Variants in HK1 observed in about 807,000 individuals in gnomAD.
The protein encoded by HK1 is hexokinase-1.
In HK1, 28 loss-of-function variants were observed where a neutral mutation model predicts 91.6. The ratio of observed to expected loss-of-function variants is 0.31; its 90% CI spans 0.23 to 0.42. The LOEUF (loss-of-function observed/expected upper bound fraction) is 0.42, where lower values mean the gene tolerates loss of function less well. Among genes scored for constraint, HK1 ranks in the 10% least tolerant of loss-of-function variants. The pLI is 1.00. For missense variants in HK1, 770 were observed against 1,219.8 expected (o/e 0.63, Z 5.49); for synonymous variants, 430 against 468.1 (o/e 0.92, Z 1.05).
chr10:69,332,697 A>G (rs1847798541), intron 1 of HK1, among the ~76,000 whole-genome samples: 1 of 152,102 alleles, frequency 6.6e-6, no homozygotes, highest in Admixed American at 6.6e-5. Context: ...TTCATCTGTC[A>G]GATAAGGTAA....
At chr10:69,335,924 A>G (rs1403782061) in intron 1 of HK1, among the ~76,000 whole-genome samples, 1 of 152,188 alleles carries the variant, frequency 6.6e-6, no homozygotes, top group Non-Finnish European at 1.5e-5. Context: ...TCTGCAGGAA[A>G]TAGGAAGCGG....
chr10:69,400,763 C>T (rs902244602), intron 17 of HK1, among the ~76,000 whole-genome samples: 1 of 152,236 alleles, frequency 6.6e-6, no homozygotes, highest in African/African-American at 2.4e-5. Flanking sequence ...CAACTGGCCA[C>T]AGCTGCTTCT....
rs1415290653 is a variant in HK1, at chr10:69,380,438, C to T, written c.1265+343C>T. 7.9e-5 allele frequency among the ~76,000 whole-genome samples: 12 copies of T among 152,148 alleles called. No homozygotes were observed. The highest frequency in any genetic ancestry group is 2.7e-4 in the African/African-American group (11 of 41,440). ...TGCTGGTATTGCTTCTGCACTCTGT[C>T]GTTACCTCGCCCTGTCAAAAGTCGA... On this transcript the variant is annotated intron_variant, in intron 9 of 17. Coordinates refer to ENST00000359426, the MANE Select transcript of HK1 (RefSeq NM_000188.3). This position sits in a 1 kb window ranked among gnomAD's most constrained non-coding sequence, Gnocchi z 4.0.
At chr10:69,304,474 AT>A (rs1433368849) in intron 5 of HK1, among the ~76,000 whole-genome samples, 2 of 151,802 alleles carry the variant, frequency 1.3e-5, no homozygotes, top group African/African-American at 2.4e-5. Flanking sequence ...CACCCAGCTA[AT>A]TTTTGTATTT....
intron 1 of HK1, among the ~76,000 whole-genome samples, chr10:69,320,111 A>G (rs905728865): frequency 2.0e-5 from 3 of 151,834 alleles, no homozygotes; most frequent in South Asian, 4.2e-4. Flanking sequence ...ATCTAAGATG[A>G]CTCCCTCATC....
At chr10:69,294,734 T>C in intron 3 of HK1, among the ~76,000 whole-genome samples, 1 of 152,062 alleles carries the variant, frequency 6.6e-6, no homozygotes, top group East Asian at 1.9e-4. Flanking sequence ...TGGTGGCGGA[T>C]GCCTGTAATC....
At chr10:69,384,998 C>T in intron 12 of HK1, 83 bp downstream of exon 12, 1 of 1,449,132 alleles carries the variant, frequency 6.9e-7, no homozygotes, top group Non-Finnish European at 9.7e-7. Flanking sequence ...GAGGCCTTCT[C>T]CAGCCTCAGT....
At position 69,288,843 on chromosome 10, in the gene HK1, G is replaced by A. The variant is rs1845149139; in HGVS notation, c.-115+73G>A. On this transcript the variant is annotated intron_variant, in intron 3 of 21. Coordinates refer to the HK1 transcript ENST00000360289. ...GTTCCATCGCCCAGGCTGGAGTGTA[G>A]TGGCGCGATCTCGGCTCACTATAAC... The A allele has an allele frequency of 7.7e-6, 10 of 1,301,820 alleles. No individual in the cohort carries two copies. The South Asian group carries it at 1.2e-4, about 16-fold the overall frequency. 80.6% of individuals were successfully genotyped at this position (1,301,820 alleles called of 1,614,324 possible).
At chr10:69,368,765 G>C in intron 5 of HK1, 134 bp downstream of exon 5, 1 of 739,622 alleles carries the variant, frequency 1.4e-6, no homozygotes, top group Non-Finnish European at 2.4e-6. Flanking sequence ...GAGAGTTGAG[G>C]GCTCACAGTG....
At chr10:69,313,087 A>G (rs1314822651), upstream of HK1, among the ~76,000 whole-genome samples, 2 of 152,212 alleles carry the variant, frequency 1.3e-5, no homozygotes, top group African/African-American at 2.4e-5. Context: ...CAAGAGAGGC[A>G]CTGATGGAGT....
At chr10:69,296,943 T>G (rs1306305697) in intron 4 of HK1, among the ~76,000 whole-genome samples, 1 of 152,114 alleles carries the variant, frequency 6.6e-6, no homozygotes, top group Non-Finnish European at 1.5e-5. Context: ...ATAAGTGTAG[T>G]GAGACCTCCA....
chr10:69,349,447 C>T (rs1848731274), intron 2 of HK1, among the ~76,000 whole-genome samples: 2 of 152,180 alleles, frequency 1.3e-5, no homozygotes, highest in African/African-American at 4.8e-5. Context: ...TGGAAGAATT[C>T]CTTGGGAAAG....
chr10:69,325,646 GC>G (rs948558182), intron 1 of HK1, among the ~76,000 whole-genome samples: 40 of 148,372 alleles, frequency 2.7e-4, no homozygotes, highest in East Asian at 6.0e-4. Context: ...CTGCCTCAGT[GC>G]CCCCCCCTGC....
upstream of HK1, among the ~76,000 whole-genome samples, chr10:69,311,823 G>T (rs1292270856): frequency 6.6e-6 from 1 of 152,160 alleles, no homozygotes; most frequent in Admixed American, 6.6e-5. Flanking sequence ...TTTTAGTAGA[G>T]ATGGGATTTC....
chr10:69,376,877 C>G (rs550918799), intron 7 of HK1, 57 bp from the exon 8 acceptor site: 1 of 1,605,634 alleles, frequency 6.2e-7, no homozygotes, highest in Non-Finnish European at 8.5e-7. Flanking sequence ...CTGTCCCAGC[C>G]CTCGTGTGTG....
chr10:69,343,842 T>C lies in HK1; in HGVS notation c.79T>C (p.Tyr27His), dbSNP rs1419542209. 4 of 1,613,606 alleles carry C rather than the reference T, an allele frequency of 2.5e-6. No homozygotes were observed. The highest frequency in any genetic ancestry group is 3.4e-6 in the Non-Finnish European group (4 of 1,179,574). ...CCCCCTCCAGATTGACAAGTATCTCTATGCCATGCGGCTCTCCGATGAAAC... is the reference window on the plus strand; with the variant it reads ...CCCCCTCCAGATTGACAAGTATCTCCATGCCATGCGGCTCTCCGATGAAAC... ...DQVKKIDKYL[Y>H]AMRLSDETLI... The change falls in exon 2 of 18, where the codon TAT becomes CAT. Residue 27 changes from tyrosine (Y) to histidine (H), a missense_variant. Tyr to His is a moderately conservative substitution (Grantham distance 83). This residue lies in a region of HK1 where 449 missense variants were observed against 665.1 expected (regional missense o/e 0.68). Transcript: ENST00000359426.
intron 5 of HK1, 49 bp downstream of exon 5, chr10:69,368,680 C>A: frequency 6.9e-7 from 1 of 1,443,858 alleles, no homozygotes. Flanking sequence ...GTGTGGGGAG[C>A]AGGGCTGCAT....
At chr10:69,351,811 A>G (rs1016565195) in intron 2 of HK1, among the ~76,000 whole-genome samples, 1 of 152,210 alleles carries the variant, frequency 6.6e-6, no homozygotes, top group African/African-American at 2.4e-5. Flanking sequence ...GCATCCTGAC[A>G]GTACTGACTT....
intron 15 of HK1, among the ~76,000 whole-genome samples, 156 bp downstream of exon 15, chr10:69,392,464 G>C (rs1278130433): frequency 6.6e-6 from 1 of 152,126 alleles, no homozygotes; most frequent in Admixed American, 6.5e-5. Context: ...TTTGTCTTTT[G>C]GACAGCAGAG....
Sources: gnomAD v4.1 joint callset for allele counts (sites outside exome capture counted in the v4.1 genomes callset) on GRCh38, gnomAD v4.1.1 for gene constraint, gnomAD v4.1.1 regional missense constraint, Gnocchi (gnomAD v3.1) non-coding constraint, MANE v1.5 for transcripts, NCBI Gene and HGNC (gene_info 2026-07-23, HGNC 2026-07-21) for gene names.